Variants in RIPK2 observed in about 807,000 individuals in gnomAD.
The protein encoded by RIPK2 is receptor interacting serine/threonine kinase 2.
A neutral mutation model predicts 60.9 loss-of-function variants in RIPK2; 38 were observed. That is an observed-to-expected ratio of 0.62 (90% CI 0.48 to 0.82). RIPK2 has a LOEUF of 0.82. Among genes scored for constraint, RIPK2 ranks in the 40% least tolerant of loss-of-function variants. RIPK2 has a pLI of 0.00. For synonymous variants in RIPK2, 225 were observed against 223.4 expected (o/e 1.01, Z -0.06); for missense variants, 518 against 647.0 (o/e 0.80, Z 2.16).
At chr8:89,786,829 G>A in intron 9 of RIPK2, 143 bp downstream of exon 9, 1 of 631,568 alleles carries the variant, frequency 1.6e-6, no homozygotes, top group Non-Finnish European at 2.8e-6. Context: ...CTAAAGATAG[G>A]AAAATAGTAG....
rs757206933 is a variant in RIPK2 at position 89,769,859 on chromosome 8, A to G, written c.571A>G (p.Ile191Val). The G allele has an allele frequency of 1.2e-6, 2 of 1,609,092 alleles. No individual in the cohort carries two copies. Among genetic ancestry groups the G allele is most frequent in the Non-Finnish European group, 1.7e-6 (2 of 1,177,252 alleles). ...SKSAPEGGTI[I>V]YMPPENYEPG... ...ATCTGCACCAGAAGGAGGGACAATT[A>G]TCTATATGCCACCTGAAAACTATGA... is the stretch of plus-strand genomic sequence containing the variant. The change falls in exon 4 of 11, where the codon ATC becomes GTC. Residue 191 changes from isoleucine (I) to valine (V), a missense_variant. Ile to Val is a conservative substitution (Grantham distance 29, BLOSUM62 3). Around this residue, in one of 3 missense-constraint regions of RIPK2, gnomAD observed 448 missense variants for 534.7 expected, o/e 0.84. Transcript: ENST00000220751.
In RIPK2 at chr8:89,758,126, C is replaced by T. The variant is rs1214739524; in HGVS notation, c.66C>T (p.Arg22=). 6.9e-6 allele frequency: 11 copies of T among 1,602,842 alleles called. No homozygotes were observed. The highest frequency in any genetic ancestry group is 1.1e-5 in the South Asian group (1 of 89,330). Residue 22 remains arginine, a synonymous_variant, in exon 1 of 11, where the codon CGC becomes CGT. Coordinates refer to ENST00000220751, the MANE Select transcript of RIPK2 (RefSeq NM_003821.6). ...TIPYHKLADL[R]YLSRGASGTV... is the part of the protein sequence containing the mutation. ...CCTACCACAAACTCGCCGACCTGCGCTACCTGAGCCGCGGCGCCTCTGGCA... is the reference window on the plus strand; with the variant it reads ...CCTACCACAAACTCGCCGACCTGCGTTACCTGAGCCGCGGCGCCTCTGGCA...
intron 3 of RIPK2, among the ~76,000 whole-genome samples, chr8:89,767,060 A>C (rs530725266): frequency 6.6e-6 from 1 of 151,836 alleles, no homozygotes; most frequent in South Asian, 2.1e-4. Context: ...ATCTCTAAGC[A>C]CTTTTCACCA....
chr8:89,787,985 G>A (rs538965382), intron 9 of RIPK2, among the ~76,000 whole-genome samples: 22 of 152,100 alleles, frequency 1.4e-4, no homozygotes, highest in African/African-American at 5.3e-4. Flanking sequence ...GAAAAAAGAG[G>A]TAAAGCCAAA....
rs1022935870 is a variant in RIPK2 at position 89,786,580 on chromosome 8, T to G, written c.1030-13T>G. 4 of 1,420,526 alleles carry G rather than the reference T, an allele frequency of 2.8e-6. No homozygotes were observed. The African/African-American group carries it at 5.8e-5, about 20-fold the overall frequency. The allele number at this position is 1,420,526 out of a possible 1,614,324, so 88.0% of individuals were successfully genotyped here. ...TTTATTAACCTAAACCCTTTATTTT[T>G]TATTTACTTTAGGAATCATGTGGAT... On this transcript the variant is annotated splice_polypyrimidine_tract_variant and intron_variant, in intron 8 of 10. Transcript: ENST00000220751.
intron 9 of RIPK2, among the ~76,000 whole-genome samples, chr8:89,789,030 A>C (rs992992095): frequency 6.6e-6 from 1 of 152,240 alleles, no homozygotes; most frequent in African/African-American, 2.4e-5. Context: ...AGAAGGAGTA[A>C]GAAGACACAC....
intron 6 of RIPK2, among the ~76,000 whole-genome samples, chr8:89,774,945 G>C (rs1809373457): frequency 6.6e-6 from 1 of 152,146 alleles, no homozygotes; most frequent in Non-Finnish European, 1.5e-5. Flanking sequence ...AATGAGATAA[G>C]CAGGATTTTC....
intron 6 of RIPK2, among the ~76,000 whole-genome samples, chr8:89,776,471 G>C (rs1376591508): frequency 2.6e-5 from 4 of 152,156 alleles, no homozygotes; most frequent in Non-Finnish European, 5.9e-5. Context: ...TTAAAATGTA[G>C]GAATATACAA....
At chr8:89,781,542 G>A (rs1299785954) in intron 7 of RIPK2, among the ~76,000 whole-genome samples, 1 of 151,630 alleles carries the variant, frequency 6.6e-6, no homozygotes, top group Non-Finnish European at 1.5e-5. Context: ...TACTTTTTAA[G>A]TTGCCATATT....
chr8:89,769,861 C>T lies in RIPK2; in HGVS notation c.573C>T (p.Ile191=), dbSNP rs200485473. The T allele has an allele frequency of 3.7e-5, 59 of 1,608,736 alleles. No homozygotes were observed. The highest frequency in any genetic ancestry group is 4.8e-5 in the Non-Finnish European group (56 of 1,177,052). The change falls in exon 4 of 11, where the codon ATC becomes ATT. Residue 191 remains isoleucine, a synonymous_variant. Transcript: ENST00000220751. ...SKSAPEGGTI[I]YMPPENYEPG... is the part of the protein sequence containing the mutation. ...CTGCACCAGAAGGAGGGACAATTAT[C>T]TATATGCCACCTGAAAACTATGAAC...
At chr8:89,789,168 C>T (rs1389923774) in intron 9 of RIPK2, among the ~76,000 whole-genome samples, 153 bp from the exon 10 acceptor site, 1 of 152,130 alleles carries the variant, frequency 6.6e-6, no homozygotes, top group Non-Finnish European at 1.5e-5. Flanking sequence ...TAAGAAATAT[C>T]TACTTGCAGA....
chr8:89,761,376 AT>A (rs79648986), intron 1 of RIPK2, among the ~76,000 whole-genome samples: 26 of 142,544 alleles, frequency 1.8e-4, no homozygotes, highest in South Asian at 4.3e-4. Flanking sequence ...ATTCCTTTTC[AT>A]TTTTTTTTTA....
In RIPK2 at chr8:89,789,333, A is replaced by G; in HGVS notation, c.1136A>G (p.Asp379Gly). 6.2e-7 allele frequency: 1 copy of G among 1,613,702 alleles called. No individual in the cohort carries two copies. Among genetic ancestry groups the G allele is most frequent in the East Asian group, 2.2e-5 (1 of 44,860 alleles). Residue 379 changes from aspartate (D) to glycine (G), a missense_variant, in exon 10 of 11, where the codon GAC becomes GGC. Transcript: ENST00000220751. ...TTGTATTTTGTAGGAAAAGCTCAAG[A>G]CTGTTATTTTATGAAGCTGCATCAC... ...DNDFLSRKAQ[D>G]CYFMKLHHCP...
chr8:89,774,210 G>A (rs565624718), intron 6 of RIPK2, among the ~76,000 whole-genome samples: 2 of 152,010 alleles, frequency 1.3e-5, no homozygotes, highest in Non-Finnish European at 2.9e-5. Flanking sequence ...GTCAATAATA[G>A]GACATATAGC....
At chr8:89,772,340 TTC>T (rs1191254254) in intron 5 of RIPK2, among the ~76,000 whole-genome samples, 1 of 152,090 alleles carries the variant, frequency 6.6e-6, no homozygotes, top group Non-Finnish European at 1.5e-5. Flanking sequence ...AAACATTTAT[TTC>T]TCATTCACAT....
At chr8:89,782,643 GAA>G (rs747253457) in intron 7 of RIPK2, among the ~76,000 whole-genome samples, 4 of 109,136 alleles carry the variant, frequency 3.7e-5, no homozygotes, top group African/African-American at 1.3e-4. Context: ...TGTCTCTTAA[GAA>G]AAAAAAAAAA....
At chr8:89,767,648 T>C (rs1285306904) in intron 3 of RIPK2, among the ~76,000 whole-genome samples, 1 of 151,798 alleles carries the variant, frequency 6.6e-6, no homozygotes, top group Non-Finnish European at 1.5e-5. Flanking sequence ...GCAGTTATCC[T>C]GTAACAGGGA....
intron 4 of RIPK2, among the ~76,000 whole-genome samples, chr8:89,771,116 ATAT>A (rs1220266393): frequency 6.6e-6 from 1 of 151,856 alleles, no homozygotes; most frequent in Non-Finnish European, 1.5e-5. Context: ...AAATGAGGAA[ATAT>A]TATTCCTTCA....
chr8:89,772,416 T>C lies in RIPK2; in HGVS notation c.692-251T>C, dbSNP rs180853574. ...GTTTCGCTCAGCTCTGCTTTACAAATACTCTGTTGACCAAATCCAATCACA... is the reference window on the plus strand; with the variant it reads ...GTTTCGCTCAGCTCTGCTTTACAAACACTCTGTTGACCAAATCCAATCACA... On this transcript the variant is annotated intron_variant, in intron 5 of 10. Transcript: ENST00000220751. Among the ~76,000 whole-genome samples the C allele has an allele frequency of 6.6e-5, 10 of 152,168 alleles. No homozygotes were observed. The East Asian group carries it at 1.7e-3, about 26-fold the overall frequency.
Sources: allele counts gnomAD v4.1 joint callset (sites outside exome capture counted in the v4.1 genomes callset), GRCh38; gene constraint gnomAD v4.1.1; regional missense constraint gnomAD v4.1.1; transcripts MANE v1.5; gene names NCBI Gene and HGNC (gene_info 2026-07-23, HGNC 2026-07-21).